The following NFATC3 variants were observed in gnomAD, a reference collection of about 807,000 sequenced individuals.
NFATC3 encodes nuclear factor of activated T-cells, cytoplasmic 3.
A neutral mutation model predicts 98.6 loss-of-function variants in NFATC3; 46 were observed. That is an observed-to-expected ratio of 0.47 (90% CI 0.37 to 0.60). The LOEUF (loss-of-function observed/expected upper bound fraction) is 0.60. Ranked by LOEUF, NFATC3 falls within the 20% of genes least tolerant of loss-of-function variation. NFATC3 has a pLI of 0.00. For missense variants in NFATC3, 1,256 were observed against 1,295.5 expected (o/e 0.97, Z 0.47); for synonymous variants, 512 against 472.2 (o/e 1.08, Z -1.09).
At position 68,226,531 on chromosome 16, in the gene NFATC3, C is replaced by T. The variant is rs541202945; in HGVS notation, c.*60C>T. On this transcript the variant is annotated 3_prime_UTR_variant, in exon 10 of 10. Coordinates refer to ENST00000346183, the MANE Select transcript of NFATC3 (RefSeq NM_173165.3). Reference sequence around the variant, plus strand: ...TTCTCAGCATGTTTCTCTCCTTGGACCTTGGGTTTCCAACTCTGCAGCCTT... The same window carrying T: ...TTCTCAGCATGTTTCTCTCCTTGGATCTTGGGTTTCCAACTCTGCAGCCTT... The T allele has an allele frequency of 2.1e-6, 3 of 1,439,636 alleles. No individual in the cohort carries two copies. The highest frequency in any genetic ancestry group is 1.6e-5 in the South Asian group (1 of 62,560). The allele number at this position is 1,439,636 out of a possible 1,614,324, so 89.2% of individuals were successfully genotyped here. A position where few individuals can be genotyped will look rare whatever the true frequency, so the allele number is the denominator to read the frequency against.
intron 8 of NFATC3, 98 bp from the exon 9 acceptor site, chr16:68,190,670 C>T: frequency 7.6e-7 from 1 of 1,317,012 alleles, no homozygotes; most frequent in South Asian, 1.5e-5. Flanking sequence ...GAGTTTGCCC[C>T]TCAGCTTACG....
intron 9 of NFATC3, among the ~76,000 whole-genome samples, chr16:68,219,499 C>G (rs933485674): frequency 1.3e-5 from 2 of 152,074 alleles, no homozygotes; most frequent in Non-Finnish European, 2.9e-5. Context: ...CCTAGGAGTT[C>G]ACGGCTGTAG....
intron 4 of NFATC3, among the ~76,000 whole-genome samples, chr16:68,159,112 G>T (rs976368560): frequency 6.6e-6 from 1 of 152,186 alleles, no homozygotes; most frequent in African/African-American, 2.4e-5. Flanking sequence ...CCTGTCTGTA[G>T]TCCCAGCTAC....
At chr16:68,123,923 G>A (rs1428683722) in intron 2 of NFATC3, among the ~76,000 whole-genome samples, 1 of 151,898 alleles carries the variant, frequency 6.6e-6, no homozygotes, top group Non-Finnish European at 1.5e-5. Flanking sequence ...GATGGAGGCT[G>A]CAGTGAGCTG....
chr16:68,219,690 C>T (rs901889095), intron 9 of NFATC3, among the ~76,000 whole-genome samples: 2 of 152,166 alleles, frequency 1.3e-5, no homozygotes, highest in African/African-American at 4.8e-5. Context: ...GGTGAATGTT[C>T]ATTGCAGCTT....
chr16:68,153,517 T>G (rs2038451812), intron 3 of NFATC3, among the ~76,000 whole-genome samples: 2 of 152,234 alleles, frequency 1.3e-5, no homozygotes, highest in Admixed American at 1.3e-4. Flanking sequence ...TAGCCTCACA[T>G]TTCCATATAG....
intron 1 of NFATC3, among the ~76,000 whole-genome samples, chr16:68,114,523 A>G (rs2036162421): frequency 6.6e-6 from 1 of 151,480 alleles, no homozygotes; most frequent in South Asian, 2.1e-4. Flanking sequence ...ATAAATAACA[A>G]CTGAGCAGAT....
chr16:68,085,546 C>T lies in NFATC3; in HGVS notation c.-136C>T. 9.8e-6 allele frequency: 7 copies of T among 717,526 alleles called. No homozygotes were observed. In the East Asian group the frequency reaches 1.7e-4, roughly 18 times the overall value. The allele number at this position is 717,526 out of a possible 1,614,324, so 44.4% of individuals were successfully genotyped here. A position where few individuals can be genotyped will look rare whatever the true frequency, so the allele number is the denominator to read the frequency against. On this transcript the variant is annotated 5_prime_UTR_variant, in exon 1 of 10. Coordinates refer to ENST00000346183, the MANE Select transcript of NFATC3 (RefSeq NM_173165.3). ...AACGCTCGGCGTCGCGGGCCCCGCCCGGAAAGTTTGCCGTGGAGTCGCGAC... is the reference window on the plus strand; with the variant it reads ...AACGCTCGGCGTCGCGGGCCCCGCCTGGAAAGTTTGCCGTGGAGTCGCGAC...
chr16:68,156,553 T>G (rs1426591884), intron 3 of NFATC3, among the ~76,000 whole-genome samples: 1 of 152,198 alleles, frequency 6.6e-6, no homozygotes, highest in Non-Finnish European at 1.5e-5. Context: ...TGTAATTTAC[T>G]ACATTAGTAG....
chr16:68,220,634 A>G (rs1273468486), intron 9 of NFATC3, among the ~76,000 whole-genome samples: 5 of 147,688 alleles, frequency 3.4e-5, no homozygotes, highest in Admixed American at 6.8e-5. Context: ...CCGGCCGGGC[A>G]GGGTGGCTCA....
chr16:68,220,133 G>C (rs1305988082), intron 9 of NFATC3, among the ~76,000 whole-genome samples: 1 of 152,210 alleles, frequency 6.6e-6, no homozygotes, highest in Non-Finnish European at 1.5e-5. Flanking sequence ...GCTGCCAAAA[G>C]TGTGCCAGAT....
intron 3 of NFATC3, among the ~76,000 whole-genome samples, chr16:68,140,937 T>A (rs886889360): frequency 1.3e-5 from 2 of 152,164 alleles, no homozygotes; most frequent in Non-Finnish European, 2.9e-5. Flanking sequence ...TTTCTGTCCT[T>A]CACCCCCTCC....
intron 9 of NFATC3, among the ~76,000 whole-genome samples, chr16:68,202,769 G>C (rs2040980958): frequency 6.6e-6 from 1 of 152,002 alleles, no homozygotes; most frequent in Admixed American, 6.6e-5. Context: ...CCGAGATCGT[G>C]CCATTGCACT....
chr16:68,155,835 T>C (rs1209544332), intron 3 of NFATC3, among the ~76,000 whole-genome samples: 1 of 151,788 alleles, frequency 6.6e-6, no homozygotes, highest in Non-Finnish European at 1.5e-5. Context: ...CACAAGAAAA[T>C]GTGGCCCACA....
At chr16:68,127,267 A>G (rs1052022436) in intron 3 of NFATC3, among the ~76,000 whole-genome samples, 9 of 152,120 alleles carry the variant, frequency 5.9e-5, no homozygotes, top group South Asian at 2.1e-4. Flanking sequence ...TAAGCAACAA[A>G]TTACCCAAAA....
At chr16:68,169,110 T>G (rs985325073) in intron 5 of NFATC3, among the ~76,000 whole-genome samples, 1 of 151,868 alleles carries the variant, frequency 6.6e-6, no homozygotes, top group Non-Finnish European at 1.5e-5. Flanking sequence ...ATGGGTAATA[T>G]AGGTATATGC....
intron 9 of NFATC3, among the ~76,000 whole-genome samples, chr16:68,208,360 G>T (rs1298252301): frequency 6.6e-6 from 1 of 152,098 alleles, no homozygotes; most frequent in Non-Finnish European, 1.5e-5. Context: ...GAAATCTTAT[G>T]CCTCTTTGGT....
intron 9 of NFATC3, chr16:68,217,675 G>T (rs1027947596): frequency 8.1e-7 from 1 of 1,231,454 alleles, no homozygotes; most frequent in Non-Finnish European, 1.0e-6. Context: ...CAGAGATCAA[G>T]ATTCCTTTCA....
chr16:68,196,489 G>A (rs963855143), intron 9 of NFATC3, among the ~76,000 whole-genome samples: 1 of 152,098 alleles, frequency 6.6e-6, no homozygotes, highest in Non-Finnish European at 1.5e-5. Context: ...TTTGAAGGTA[G>A]AATTTTTAGA....
Sources: gnomAD v4.1 joint callset for allele counts (sites outside exome capture counted in the v4.1 genomes callset) on GRCh38, gnomAD v4.1.1 for gene constraint, MANE v1.5 for transcripts, NCBI Gene and HGNC (gene_info 2026-07-23, HGNC 2026-07-21) for gene names.